Variants in PMM2 observed in about 807,000 individuals in gnomAD.
The protein encoded by PMM2 is phosphomannomutase 2.
PMM2 carries 35 observed loss-of-function variants against 33.2 expected under a neutral mutation model. The ratio of observed to expected loss-of-function variants is 1.06; its 90% CI spans 0.81 to 1.40. PMM2 has a LOEUF of 1.40. Ranked by LOEUF, PMM2 falls within the 40% of genes most tolerant of loss-of-function variation. The pLI is 0.00. For missense variants in PMM2, 386 were observed against 306.0 expected, an observed-to-expected ratio of 1.26 and a Z score of -1.95; for synonymous variants, 153 against 114.7, an observed-to-expected ratio of 1.33 and a Z score of -2.13.
intron 7 of PMM2, chr16:8,832,723 G>A (rs964738780): frequency 7.1e-6 from 7 of 985,192 alleles, no homozygotes; most frequent in Admixed American, 6.1e-5. Flanking sequence ...ATCATGGCCC[G>A]GGCTTGCAGG....
Position 8,847,866 on chromosome 16 carries a change from C to T in PMM2, c.*41C>T. The T allele has an allele frequency of 6.8e-7, 1 of 1,480,836 alleles. No homozygotes were observed. The highest frequency in any genetic ancestry group is 1.4e-5 in the African/African-American group (1 of 72,520). The allele number at this position is 1,480,836 out of a possible 1,614,324, so 91.7% of individuals were successfully genotyped here. The stretch of plus-strand genomic sequence containing the variant: ...GGCGGGGTCCCGGCTGACAAGCCAG[C>T]ATAGGGCATTCGGTGGCCAGAGCCG... On this transcript the variant is annotated 3_prime_UTR_variant, in exon 8 of 8. Coordinates refer to ENST00000268261, the MANE Select transcript of PMM2 (RefSeq NM_000303.3).
rs981372486 is a variant in PMM2, at chr16:8,847,701, A to G, written c.640-23A>G. The G allele has an allele frequency of 1.9e-6, 3 of 1,553,628 alleles. No homozygotes were observed. Among genetic ancestry groups the G allele is most frequent in the East Asian group, 2.2e-5 (1 of 44,648 alleles). On this transcript the variant is annotated intron_variant, in intron 7 of 7. Coordinates refer to ENST00000268261, the MANE Select transcript of PMM2 (RefSeq NM_000303.3). ...CCGGGACAGACGAGGGGGAGCCTTCATCTGTACTTCGTGTCTTTCCAGGGT... is the reference window on the plus strand; with the variant it reads ...CCGGGACAGACGAGGGGGAGCCTTCGTCTGTACTTCGTGTCTTTCCAGGGT...
chr16:8,826,169 TCACA>T (rs369596716), intron 7 of PMM2, among the ~76,000 whole-genome samples: 2 of 152,176 alleles, frequency 1.3e-5, no homozygotes, highest in African/African-American at 2.4e-5. Flanking sequence ...GCCAGCTTGC[TCACA>T]CACAGAGTTG....
At chr16:8,840,335 G>C (rs2060881853) in intron 7 of PMM2, among the ~76,000 whole-genome samples, 1 of 151,978 alleles carries the variant, frequency 6.6e-6, no homozygotes, top group East Asian at 1.9e-4. Flanking sequence ...AGTTAAGAGT[G>C]GCAGTTTGGG....
chr16:8,838,069 G>T (rs2060863428), intron 7 of PMM2, among the ~76,000 whole-genome samples: 1 of 152,126 alleles, frequency 6.6e-6, no homozygotes, highest in Non-Finnish European at 1.5e-5. Flanking sequence ...TCCGAAAAGA[G>T]AGTCAGCAAA....
At chr16:8,831,359 A>G (rs1005804637) in intron 7 of PMM2, among the ~76,000 whole-genome samples, 1 of 152,122 alleles carries the variant, frequency 6.6e-6, no homozygotes. Context: ...TTGTTAAACA[A>G]CCAAAATAAA....
At chr16:8,815,930 T>C (rs1172237784) in intron 7 of PMM2, among the ~76,000 whole-genome samples, 3 of 151,708 alleles carry the variant, frequency 2.0e-5, no homozygotes, top group Non-Finnish European at 4.4e-5. Flanking sequence ...GTATCCAAAA[T>C]GTATAAGAAA....
intron 7 of PMM2, among the ~76,000 whole-genome samples, chr16:8,838,360 T>C (rs187454883): frequency 7.4e-4 from 113 of 151,692 alleles, no homozygotes; most frequent in East Asian, 4.8e-3. Flanking sequence ...GTGCAAGTCA[T>C]AGGGGATGCG....
intron 7 of PMM2, among the ~76,000 whole-genome samples, chr16:8,834,622 T>C (rs201025384): frequency 9.7e-3 from 1,325 of 137,182 alleles, no homozygotes; most frequent in Middle Eastern, 0.022. Flanking sequence ...TGAGGAGTAG[T>C]AGAATAGCAG....
At chr16:8,822,611 A>T (rs1229938819) in intron 7 of PMM2, among the ~76,000 whole-genome samples, 1 of 152,208 alleles carries the variant, frequency 6.6e-6, no homozygotes, top group African/African-American at 2.4e-5. Flanking sequence ...AAATTTTTGC[A>T]AAGACAGTTT....
Position 8,804,828 on chromosome 16 carries a change from A to G in PMM2, c.240A>G (p.Lys80=), listed in dbSNP as rs748552663. 2.1e-5 allele frequency: 33 copies of G among 1,608,320 alleles called. No individual in the cohort carries two copies. Among genetic ancestry groups the G allele is most frequent in the Non-Finnish European group, 2.4e-5 (28 of 1,175,038 alleles). ...GCTTGGTAGCATACAAAGATGGGAAACTCTTGTGTAGACAGGTAGGTTCTT... is the reference window on the plus strand; with the variant it reads ...GCTTGGTAGCATACAAAGATGGGAAGCTCTTGTGTAGACAGGTAGGTTCTT... ...ENGLVAYKDG[K]LLCRQNIQSH... The change falls in exon 3 of 8, where the codon AAA becomes AAG. Residue 80 remains lysine (K), a synonymous_variant. Transcript: ENST00000268261.
chr16:8,839,589 C>T (rs901947770), intron 7 of PMM2, among the ~76,000 whole-genome samples: 10 of 151,862 alleles, frequency 6.6e-5, no homozygotes, highest in African/African-American at 1.7e-4. Context: ...GGAAAGTAGC[C>T]AAGGATGGAG....
intron 7 of PMM2, among the ~76,000 whole-genome samples, chr16:8,845,422 G>T (rs1207269659): frequency 1.3e-5 from 2 of 152,132 alleles, no homozygotes; most frequent in East Asian, 3.9e-4. Flanking sequence ...AGTCATAGGG[G>T]ATGCGATGGC....
At position 8,811,074 on chromosome 16, in the gene PMM2, C is replaced by T. The variant is rs746660218; in HGVS notation, c.348-5C>T. ...GGAGAAACTCTGTCACCCTTTCATT[C>T]CCAGGGGTACTTTCATTGAATTCCG... On this transcript the variant is annotated splice_region_variant and splice_polypyrimidine_tract_variant and intron_variant, in intron 4 of 7. Coordinates refer to ENST00000268261, the MANE Select transcript of PMM2 (RefSeq NM_000303.3). 2 of 1,532,896 alleles carry T rather than the reference C, an allele frequency of 1.3e-6. No individual in the cohort carries two copies. The highest frequency in any genetic ancestry group is 2.4e-5 in the South Asian group (2 of 84,720). The allele number at this position is 1,532,896 out of a possible 1,614,324, so 95.0% of individuals were successfully genotyped here. A position where few individuals can be genotyped will look rare whatever the true frequency, so the allele number is the denominator to read the frequency against.
At chr16:8,837,023 G>A (rs940631510) in intron 7 of PMM2, among the ~76,000 whole-genome samples, 2 of 152,046 alleles carry the variant, frequency 1.3e-5, no homozygotes, top group African/African-American at 4.8e-5. Context: ...TGGAGGAGCG[G>A]AGGCTGAGGA....
chr16:8,827,969 AT>A (rs1379013783), intron 7 of PMM2, among the ~76,000 whole-genome samples: 19 of 126,174 alleles, frequency 1.5e-4, no homozygotes, highest in South Asian at 4.6e-4. Context: ...AAATTTATAT[AT>A]ATATATAAAA....
chr16:8,811,863 ACT>A (rs1415450969), intron 6 of PMM2, 150 bp downstream of exon 6: 10 of 684,828 alleles, frequency 1.5e-5, no homozygotes, highest in Admixed American at 2.2e-5. Flanking sequence ...AAAACCAACC[ACT>A]CTCTTTTCTG....
intron 7 of PMM2, among the ~76,000 whole-genome samples, chr16:8,819,742 A>G (rs2060727338): frequency 6.6e-6 from 1 of 152,012 alleles, no homozygotes; most frequent in South Asian, 2.1e-4. Flanking sequence ...AAAAATTGAA[A>G]AAAGGGAGGA....
chr16:8,826,241 G>A (rs915263843), intron 7 of PMM2, among the ~76,000 whole-genome samples: 4 of 151,890 alleles, frequency 2.6e-5, no homozygotes, highest in Admixed American at 1.3e-4. Context: ...GTTTTATTTT[G>A]TCTTTCAACC....
Sources: gnomAD v4.1 joint callset for allele counts (sites outside exome capture counted in the v4.1 genomes callset) on GRCh38, gnomAD v4.1.1 for gene constraint, MANE v1.5 for transcripts, NCBI Gene and HGNC (gene_info 2026-07-23, HGNC 2026-07-21) for gene names.